The following CDK6 variants were observed in gnomAD, a reference collection of about 807,000 sequenced individuals.
CDK6 encodes the protein cyclin dependent kinase 6, also known as cyclin-dependent kinase 6.
In CDK6, 6 loss-of-function variants were observed where a neutral mutation model predicts 37.1. The observed-to-expected ratio is 0.16, with a 90% CI of 0.09 to 0.32. The LOEUF is 0.32. CDK6 is among the 10% of genes least tolerant of loss of function. CDK6 has a pLI of 1.00. For missense variants in CDK6, 224 were observed against 418.9 expected (o/e 0.53, Z 4.06); for synonymous variants, 160 against 161.3 (o/e 0.99, Z 0.06).
At chr7:92,685,018 C>T (rs1483043813) in intron 4 of CDK6, among the ~76,000 whole-genome samples, 1 of 152,078 alleles carries the variant, frequency 6.6e-6, no homozygotes, top group Non-Finnish European at 1.5e-5. Context: ...ATTTAATTTC[C>T]TCTTTCTTTT....
chr7:92,625,990 AT>A (rs1370770804), intron 5 of CDK6, among the ~76,000 whole-genome samples: 5 of 152,098 alleles, frequency 3.3e-5, no homozygotes, highest in East Asian at 1.9e-4. Flanking sequence ...TTTCAAAAAA[AT>A]ATTACTGGAG....
Position 92,795,384 on chromosome 7 carries a change from T to C in CDK6, c.234-20553A>G, listed in dbSNP as rs1800383720. Among the ~76,000 whole-genome samples, 3 of 152,286 alleles carry C rather than the reference T, an allele frequency of 2.0e-5. No homozygotes were observed. In the South Asian group the frequency reaches 6.2e-4, roughly 32 times the overall value. On this transcript the variant is annotated intron_variant, in intron 2 of 7. Coordinates refer to ENST00000424848, the MANE Select transcript of CDK6 (RefSeq NM_001145306.2). Reference sequence around the variant, plus strand: ...CCTTCAAAGCAATTTACATTCAGTATACATTTGAGTTCATTTAGCTGTCAG... The same window carrying C: ...CCTTCAAAGCAATTTACATTCAGTACACATTTGAGTTCATTTAGCTGTCAG...
intron 2 of CDK6, among the ~76,000 whole-genome samples, chr7:92,783,005 C>T (rs1477267467): frequency 3.3e-5 from 5 of 152,126 alleles, no homozygotes; most frequent in Non-Finnish European, 7.3e-5. Context: ...CTCCTCCATT[C>T]GCATGTCCAC....
chr7:92,738,990 A>C (rs1282027979), intron 3 of CDK6, among the ~76,000 whole-genome samples: 1 of 152,160 alleles, frequency 6.6e-6, no homozygotes, highest in African/African-American at 2.4e-5. Flanking sequence ...CAATTTGCAC[A>C]TCTCTACAAT....
chr7:92,824,437 T>C (rs1801259385), intron 2 of CDK6, among the ~76,000 whole-genome samples: 1 of 152,004 alleles, frequency 6.6e-6, no homozygotes, highest in Non-Finnish European at 1.5e-5. Context: ...ACAGAAGAAA[T>C]CATCAAGCTC....
intron 3 of CDK6, among the ~76,000 whole-genome samples, chr7:92,767,495 C>T (rs745689123): frequency 6.6e-6 from 1 of 152,136 alleles, no homozygotes; most frequent in Non-Finnish European, 1.5e-5. Flanking sequence ...TAGATCTGGG[C>T]TTCTGACTTT....
chr7:92,795,515 ATT>A (rs1481834626), intron 2 of CDK6, among the ~76,000 whole-genome samples: 1 of 152,096 alleles, frequency 6.6e-6, no homozygotes, highest in Non-Finnish European at 1.5e-5. Flanking sequence ...CTCTTCCAAC[ATT>A]TTGAGAAATT....
intron 4 of CDK6, among the ~76,000 whole-genome samples, chr7:92,672,178 C>CACACAG (rs1797093743): frequency 9.6e-6 from 1 of 103,756 alleles, no homozygotes; most frequent in South Asian, 3.7e-4. Flanking sequence ...CACACACACA[C>CACACAG]ACACAGACAC....
At chr7:92,657,148 G>A (rs757141520) in intron 5 of CDK6, among the ~76,000 whole-genome samples, 26 of 152,024 alleles carry the variant, frequency 1.7e-4, no homozygotes, top group Non-Finnish European at 2.6e-4. Context: ...AATAGTGACT[G>A]TCTCTGTGTT....
chr7:92,708,130 T>C (rs1044604740), intron 4 of CDK6, among the ~76,000 whole-genome samples: 1 of 152,176 alleles, frequency 6.6e-6, no homozygotes. Flanking sequence ...TCTTTACTAA[T>C]TTACAACTTT....
chr7:92,782,602 C>T (rs890143896), intron 2 of CDK6, among the ~76,000 whole-genome samples: 18 of 152,274 alleles, frequency 1.2e-4, no homozygotes, highest in African/African-American at 3.9e-4. Flanking sequence ...TGATGGCTGT[C>T]TTTGCCACCA....
chr7:92,819,563 G>A (rs766157662), intron 2 of CDK6, among the ~76,000 whole-genome samples: 28 of 151,936 alleles, frequency 1.8e-4, no homozygotes, highest in Non-Finnish European at 3.2e-4. Context: ...CTTTAAAAAA[G>A]CCAAAGGATA....
chr7:92,832,082 A>G (rs1562979501), intron 2 of CDK6, among the ~76,000 whole-genome samples: 1 of 152,244 alleles, frequency 6.6e-6, no homozygotes, highest in Non-Finnish European at 1.5e-5. Flanking sequence ...AGATCGAGAA[A>G]GGTAAAATCA....
At chr7:92,699,711 C>T (rs1215556303) in intron 4 of CDK6, among the ~76,000 whole-genome samples, 1 of 152,214 alleles carries the variant, frequency 6.6e-6, no homozygotes, top group Non-Finnish European at 1.5e-5. Context: ...AAAGATGACA[C>T]ACAGATGATG....
intron 3 of CDK6, among the ~76,000 whole-genome samples, chr7:92,740,812 C>T (rs1477128402): frequency 6.6e-6 from 1 of 152,110 alleles, no homozygotes; most frequent in Admixed American, 6.5e-5. Flanking sequence ...CAGAAAGGTG[C>T]CTAACACACA....
rs1000608277 is a variant in CDK6 at position 92,835,874 on chromosome 7, G to A, written c.-368+604C>T. Among the ~76,000 whole-genome samples, 1 of 152,238 alleles carries A rather than the reference G, an allele frequency of 6.6e-6. No homozygotes were observed. The highest frequency in any genetic ancestry group is 1.5e-5 in the Non-Finnish European group (1 of 68,044). On this transcript the variant is annotated intron_variant, in intron 1 of 7. Transcript: ENST00000424848. This position sits in a 1 kb window ranked among gnomAD's most constrained non-coding sequence, Gnocchi z 4.2. ...AGTAAACTTGGAAACTACAGCAAAC[G>A]TGCGTCTTCGCGGGGCTCCAAGCCT...
At chr7:92,733,162 G>A (rs1320346999) in intron 3 of CDK6, among the ~76,000 whole-genome samples, 2 of 152,130 alleles carry the variant, frequency 1.3e-5, no homozygotes. Flanking sequence ...CAGACCCAAT[G>A]GGGCCTGTAC....
intron 3 of CDK6, among the ~76,000 whole-genome samples, chr7:92,764,282 G>A (rs1291534244): frequency 1.3e-5 from 2 of 151,998 alleles, no homozygotes; most frequent in African/African-American, 4.8e-5. Context: ...GGGACTATAG[G>A]TATGCACCAC....
intron 3 of CDK6, among the ~76,000 whole-genome samples, chr7:92,735,526 G>A (rs1798764431): frequency 6.6e-6 from 1 of 152,156 alleles, no homozygotes; most frequent in Middle Eastern, 3.2e-3. Context: ...TCATAGAACT[G>A]TGGAGAGAAC....
Sources: allele counts gnomAD v4.1 joint callset (sites outside exome capture counted in the v4.1 genomes callset), GRCh38; gene constraint gnomAD v4.1.1; non-coding constraint Gnocchi (gnomAD v3.1); transcripts MANE v1.5; gene names NCBI Gene and HGNC (gene_info 2026-07-23, HGNC 2026-07-21).